The following KDM5A variants were observed in gnomAD, a reference collection of about 807,000 sequenced individuals.
KDM5A encodes the protein lysine demethylase 5A, also known as lysine-specific demethylase 5A.
A neutral mutation model predicts 193.5 loss-of-function variants in KDM5A; 42 were observed. The observed-to-expected ratio is 0.22, with a 90% confidence interval of 0.17 to 0.28. KDM5A has a LOEUF of 0.28. Ranked by LOEUF, KDM5A falls within the 10% of genes least tolerant of loss-of-function variation. The pLI is 1.00. For missense variants in KDM5A, 1,692 were observed against 2,055.1 expected, an observed-to-expected ratio of 0.82 and a Z score of 3.42; for synonymous variants, 796 against 718.1, an observed-to-expected ratio of 1.11 and a Z score of -1.73.
intron 24 of KDM5A, among the ~76,000 whole-genome samples, chr12:304,621 A>C (rs1228453376): frequency 6.6e-6 from 1 of 151,978 alleles, no homozygotes; most frequent in Non-Finnish European, 1.5e-5. Context: ...GAAAATCCAT[A>C]ATCTTATTTT....
rs201675393 is a variant in KDM5A, at chr12:352,218, T to C, written c.1136A>G (p.Asn379Ser). 2,515 of 1,612,194 alleles carry C rather than the reference T, an allele frequency of 1.6e-3. 5 individuals are homozygous for C. Among genetic ancestry groups the C allele is most frequent in the Non-Finnish European group, 1.9e-3 (2,285 of 1,178,898 alleles). ...TAGCTTACTCACATGGACTGGCATA[T>C]TAAAATAATCAGACTTAAAATTATC... ...MADNFKSDYFNMPVHMVPTEL... is the reference protein window; with the variant it reads ...MADNFKSDYFSMPVHMVPTEL... Residue 379 changes from asparagine to serine, a missense_variant, in exon 9 of 28, where the codon AAT (asparagine) becomes AGT (serine). Asn to Ser is a conservative substitution (Grantham distance 46, BLOSUM62 1). Coordinates refer to ENST00000399788, the MANE Select transcript of KDM5A (RefSeq NM_001042603.3).
Position 389,218 on chromosome 12 carries a change from C to A in KDM5A, c.-127G>T, listed in dbSNP as rs753665774. 7.7e-6 allele frequency: 7 copies of A among 906,828 alleles called. No homozygotes were observed. In the African/African-American group the frequency reaches 9.6e-5, roughly 12 times the overall value. 56.2% of individuals were successfully genotyped at this position (906,828 alleles called of 1,614,324 possible). A position where few individuals can be genotyped will look rare whatever the true frequency, so the allele number is the denominator to read the frequency against. On this transcript the variant is annotated 5_prime_UTR_variant, in exon 1 of 28. Coordinates refer to ENST00000399788, the MANE Select transcript of KDM5A (RefSeq NM_001042603.3). ...CGCATCTTCGCGGACAAGAACCGTTCAACACAGAAACCCCAGAATCGCTTC... is the reference window on the plus strand; with the variant it reads ...CGCATCTTCGCGGACAAGAACCGTTAAACACAGAAACCCCAGAATCGCTTC...
Position 330,085 on chromosome 12 carries a change from G to GTGTGTGTGTATA in KDM5A, c.1774-1057_1774-1056insTATACACACACA, listed in dbSNP as rs377271333. Among the ~76,000 whole-genome samples the GTGTGTGTGTATA allele has an allele frequency of 1.5e-3, 215 of 139,364 alleles. 1 individual carries two copies. The East Asian group carries it at 0.016, about 11-fold the overall frequency. 91.4% of individuals were successfully genotyped at this position (139,364 alleles called of 152,430 possible). ...TGTGTGTGTGTGTGTGTGTGTGTGT[G>GTGTGTGTGTATA]TATATATATATATCTTATGATTAGC... On this transcript the variant is annotated intron_variant, in intron 13 of 27. Transcript: ENST00000399788.
At chr12:299,818 C>T (rs150938141) in intron 24 of KDM5A, among the ~76,000 whole-genome samples, 58 of 151,924 alleles carry the variant, frequency 3.8e-4, no homozygotes, top group African/African-American at 1.3e-3. Context: ...CAAAGACGCA[C>T]ATAGGCTCAA....
Position 355,140 on chromosome 12 carries a change from A to G in KDM5A, c.870+18T>C. The stretch of plus-strand genomic sequence containing the variant: ...AAAAATAAATCCTTTCCCTCCTGAC[A>G]GACCCCAAAACACTTACAAAGTTAA... On this transcript the variant is annotated intron_variant, in intron 7 of 27. Transcript: ENST00000399788. 2.1e-6 allele frequency: 3 copies of G among 1,444,916 alleles called. No homozygotes were observed. Among genetic ancestry groups the G allele is most frequent in the South Asian group, 2.3e-5 (2 of 87,730 alleles). 89.5% of individuals were successfully genotyped at this position (1,444,916 alleles called of 1,614,324 possible).
Position 318,400 on chromosome 12 carries a change from G to A in KDM5A, c.2603C>T (p.Thr868Ile), listed in dbSNP as rs1408102021. 6.2e-7 allele frequency: 1 copy of A among 1,614,122 alleles called. No individual in the cohort carries two copies. Among genetic ancestry groups the A allele is most frequent in the African/African-American group, 1.3e-5 (1 of 75,046 alleles). The change falls in exon 19 of 28, where the codon ACC (threonine) becomes ATC (isoleucine). Residue 868 changes from threonine to isoleucine, a missense_variant. Thr to Ile is a moderately conservative substitution (Grantham distance 89). Coordinates refer to ENST00000399788, the MANE Select transcript of KDM5A (RefSeq NM_001042603.3). ...CATCTGGAGTTTGGAAGAATCTGGG[G>A]TTTCATCCATCATGGCCTCCTGAGC... ...ERAQEAMMDE[T>I]PDSSKLQMLI...
rs1943926649 is a variant in KDM5A at position 335,985 on chromosome 12, G to C, written c.1309-1563C>G. On this transcript the variant is annotated intron_variant, in intron 10 of 27. Coordinates refer to ENST00000399788, the MANE Select transcript of KDM5A (RefSeq NM_001042603.3). ...TTGAACCCGGGAGGCAGAGATTGCAGTGAGCCGAGATCGCGGCATTGCACT... is the reference window on the plus strand; with the variant it reads ...TTGAACCCGGGAGGCAGAGATTGCACTGAGCCGAGATCGCGGCATTGCACT... 2.1e-5 allele frequency among the ~76,000 whole-genome samples: 3 copies of C among 145,656 alleles called. No homozygotes were observed. The Admixed American group carries it at 2.1e-4, about 10-fold the overall frequency.
At chr12:325,428 A>G (rs1943769883) in intron 14 of KDM5A, among the ~76,000 whole-genome samples, 1 of 152,178 alleles carries the variant, frequency 6.6e-6, no homozygotes, top group South Asian at 2.1e-4. Flanking sequence ...CACACCTGTA[A>G]TCCCACCACT....
chr12:385,720 C>CA (rs1473564122), intron 2 of KDM5A, among the ~76,000 whole-genome samples, 177 bp downstream of exon 2: 1 of 152,178 alleles, frequency 6.6e-6, no homozygotes, highest in Non-Finnish European at 1.5e-5. Flanking sequence ...AAAACCATAA[C>CA]AACTTTGCAC....
In KDM5A at chr12:354,216, T is replaced by C. The variant is rs1944200639; in HGVS notation, c.889A>G (p.Met297Val). ...TCATTGTTTCCCCGACCACAAAACA[T>C]ACAAACATAGAGATCAACCTGTTAA... ...SVNFVDLYVC[M>V]FCGRGNNEDK... The change falls in exon 8 of 28, where the codon ATG (methionine) becomes GTG (valine). Residue 297 changes from methionine to valine, a missense_variant. Physicochemically the swap from Met to Val is conservative, Grantham distance 21 (BLOSUM62 1). Around this residue, in one of 11 missense-constraint regions of KDM5A, gnomAD observed 62 missense variants for 107.1 expected, o/e 0.58. Transcript: ENST00000399788. The C allele has an allele frequency of 6.2e-7, 1 of 1,608,422 alleles. No individual in the cohort carries two copies. Among genetic ancestry groups the C allele is most frequent in the Non-Finnish European group, 8.5e-7 (1 of 1,175,466 alleles).
At chr12:318,026 A>G (rs1168901196) in intron 19 of KDM5A, 80 bp downstream of exon 19, 1 of 1,084,656 alleles carries the variant, frequency 9.2e-7, no homozygotes, top group Non-Finnish European at 1.4e-6. Context: ...ATTTAATGAA[A>G]TAAGCTTTTA....
At chr12:316,070 C>T (rs191409133) in intron 19 of KDM5A, among the ~76,000 whole-genome samples, 4 of 152,122 alleles carry the variant, frequency 2.6e-5, no homozygotes, top group Admixed American at 2.6e-4. Context: ...GAGAGAAGGC[C>T]AAAGGCAAAG....
chr12:388,280 G>A, intron 1 of KDM5A: 1 of 455,942 alleles, frequency 2.2e-6, no homozygotes, highest in South Asian at 1.5e-5. Flanking sequence ...CTAGTTATCT[G>A]CAATAACTGT....
At chr12:360,725 T>G (rs1000039021) in intron 5 of KDM5A, among the ~76,000 whole-genome samples, 2 of 152,200 alleles carry the variant, frequency 1.3e-5, no homozygotes, top group Non-Finnish European at 2.9e-5. Flanking sequence ...GTCAAGAAAC[T>G]TCTGTGTGAA....
At chr12:309,717 A>G in intron 22 of KDM5A, 86 bp downstream of exon 22, 1 of 1,416,236 alleles carries the variant, frequency 7.1e-7, no homozygotes, top group African/African-American at 1.4e-5. Context: ...ATAAAAAGTT[A>G]AAAACATAAA....
intron 4 of KDM5A, among the ~76,000 whole-genome samples, chr12:363,383 G>C (rs534067555): frequency 1.3e-5 from 2 of 152,054 alleles, no homozygotes; most frequent in East Asian, 1.9e-4. Context: ...TAAAGCTACA[G>C]TACTCAAGAC....
Position 354,250 on chromosome 12 carries a change from T to C in KDM5A, c.871-16A>G. 2 of 1,536,108 alleles carry C rather than the reference T, an allele frequency of 1.3e-6. No homozygotes were observed. On this transcript the variant is annotated splice_polypyrimidine_tract_variant and intron_variant, in intron 7 of 27. Transcript: ENST00000399788. ...AGAGATCAACCTGTTAAAAAAAAAA[T>C]AAATGAAAGTCTATTTTCTATAATA...
chr12:353,108 GT>G (rs1421486722), intron 8 of KDM5A, among the ~76,000 whole-genome samples: 1 of 152,126 alleles, frequency 6.6e-6, no homozygotes. Flanking sequence ...ACTTTGGAAG[GT>G]CAAGGCAGGT....
intron 10 of KDM5A, among the ~76,000 whole-genome samples, chr12:348,873 G>A (rs756310222): frequency 1.3e-4 from 19 of 150,794 alleles, no homozygotes; most frequent in Non-Finnish European, 2.7e-4. Flanking sequence ...AAACCTGCAT[G>A]TTGTGCACAT....
Sources: allele counts gnomAD v4.1 joint callset (sites outside exome capture counted in the v4.1 genomes callset), GRCh38; gene constraint gnomAD v4.1.1; regional missense constraint gnomAD v4.1.1; transcripts MANE v1.5; gene names NCBI Gene and HGNC (gene_info 2026-07-23, HGNC 2026-07-21).